CLIC4: variants seen among roughly 807,000 people sequenced by gnomAD.
CLIC4 encodes chloride intracellular channel protein 4.
In CLIC4, 13 loss-of-function variants were observed where a neutral mutation model predicts 24.6. The ratio of observed to expected loss-of-function variants is 0.53; its 90% CI spans 0.34 to 0.84. The LOEUF (loss-of-function observed/expected upper bound fraction) is 0.84. Among genes scored for constraint, CLIC4 ranks in the 40% least tolerant of loss-of-function variants. The pLI, the probability that CLIC4 is intolerant of heterozygous loss-of-function variation, is 0.01. For synonymous variants in CLIC4, 104 were observed against 111.3 expected (o/e 0.93, Z 0.41); for missense variants, 227 against 301.7 (o/e 0.75, Z 1.83).
At chr1:24,777,191 A>G (rs1016206359) in intron 1 of CLIC4, among the ~76,000 whole-genome samples, 4 of 152,198 alleles carry the variant, frequency 2.6e-5, no homozygotes, top group African/African-American at 4.8e-5. Flanking sequence ...TTAATTTTCT[A>G]TTGTAATTTG....
intron 2 of CLIC4, among the ~76,000 whole-genome samples, chr1:24,803,926 A>G (rs1433083995): frequency 6.6e-6 from 1 of 152,196 alleles, no homozygotes; most frequent in African/African-American, 2.4e-5. Context: ...CACTTTTGTA[A>G]TAGTTTAAAA....
chr1:24,798,408 G>C (rs969151246), intron 2 of CLIC4, among the ~76,000 whole-genome samples: 4 of 152,162 alleles, frequency 2.6e-5, no homozygotes, highest in Non-Finnish European at 4.4e-5. Context: ...CCCGGTGTCT[G>C]TTCTTGCTAA....
intron 4 of CLIC4, among the ~76,000 whole-genome samples, chr1:24,835,133 C>T (rs1557816113): frequency 6.6e-6 from 1 of 152,148 alleles, no homozygotes; most frequent in Non-Finnish European, 1.5e-5. Flanking sequence ...TATGTTTCAT[C>T]TAAGAAATAA....
intron 2 of CLIC4, among the ~76,000 whole-genome samples, chr1:24,799,584 G>GT (rs1285855502): frequency 6.7e-6 from 1 of 149,310 alleles, no homozygotes; most frequent in Admixed American, 6.6e-5. Flanking sequence ...CAGCCGCCCC[G>GT]TCGGGGAGGG....
chr1:24,810,674 G>A (rs1639603750), intron 2 of CLIC4, among the ~76,000 whole-genome samples: 1 of 151,986 alleles, frequency 6.6e-6, no homozygotes, highest in African/African-American at 2.4e-5. Context: ...TTGGGAGGCT[G>A]AGGTAGGAGA....
chr1:24,766,099 C>T (rs980745224), intron 1 of CLIC4, among the ~76,000 whole-genome samples: 6 of 151,884 alleles, frequency 4.0e-5, no homozygotes, highest in African/African-American at 1.5e-4. Flanking sequence ...CTCCACCTCC[C>T]GAGTTCCAGC....
intron 2 of CLIC4, among the ~76,000 whole-genome samples, chr1:24,811,055 G>C (rs540040234): frequency 6.7e-5 from 10 of 148,594 alleles, no homozygotes; most frequent in Admixed American, 4.8e-4. Context: ...CTTCAGCCTG[G>C]GCGACAGAGT....
At chr1:24,752,229 T>C (rs1638785055) in intron 1 of CLIC4, among the ~76,000 whole-genome samples, 1 of 152,176 alleles carries the variant, frequency 6.6e-6, no homozygotes, top group East Asian at 1.9e-4. Context: ...ATATGGTTAC[T>C]GAGGGGATTA....
At chr1:24,763,564 T>G (rs1222857102) in intron 1 of CLIC4, among the ~76,000 whole-genome samples, 1 of 150,208 alleles carries the variant, frequency 6.7e-6, no homozygotes, top group Admixed American at 6.6e-5. Flanking sequence ...AGAATTAAGT[T>G]CAAATCTATA....
At chr1:24,825,209 T>C (rs1422364308) in intron 3 of CLIC4, among the ~76,000 whole-genome samples, 3 of 152,212 alleles carry the variant, frequency 2.0e-5, no homozygotes, top group Admixed American at 1.3e-4. Flanking sequence ...TAGGTACAGC[T>C]AAATAGTGGT....
At chr1:24,840,238 A>G (rs1639928581) in intron 5 of CLIC4, among the ~76,000 whole-genome samples, 197 bp downstream of exon 5, 1 of 152,230 alleles carries the variant, frequency 6.6e-6, no homozygotes, top group Non-Finnish European at 1.5e-5. Context: ...TATAAGAAAG[A>G]TGAATATTTT....
intron 4 of CLIC4, among the ~76,000 whole-genome samples, chr1:24,828,261 G>A (rs1230715024): frequency 1.3e-5 from 2 of 152,034 alleles, no homozygotes; most frequent in African/African-American, 4.8e-5. Flanking sequence ...TTTCTACAGT[G>A]AAGGGAAAAA....
At chr1:24,814,039 ATTGT>A in intron 2 of CLIC4, 51 bp from the exon 3 acceptor site, 1 of 1,607,810 alleles carries the variant, frequency 6.2e-7, no homozygotes, top group Admixed American at 1.7e-5. Flanking sequence ...TTAAAGTATT[ATTGT>A]TGTTTAAGAG....
At chr1:24,819,603 A>T (rs897080434) in intron 3 of CLIC4, among the ~76,000 whole-genome samples, 1 of 151,552 alleles carries the variant, frequency 6.6e-6, no homozygotes, top group Non-Finnish European at 1.5e-5. Context: ...ATGCCCAGCT[A>T]ATTTTTTCTG....
At chr1:24,799,687 C>T (rs1378441584) in intron 2 of CLIC4, among the ~76,000 whole-genome samples, 5 of 126,178 alleles carry the variant, frequency 4.0e-5, no homozygotes, top group Admixed American at 7.5e-5. Flanking sequence ...CCGCCCCGTC[C>T]GGGAGGGAGG....
chr1:24,795,135 G>A (rs1639383375), intron 1 of CLIC4, among the ~76,000 whole-genome samples: 1 of 152,040 alleles, frequency 6.6e-6, no homozygotes, highest in Admixed American at 6.6e-5. Context: ...CCTGTGACAT[G>A]AGTTTACCTG....
Position 24,836,792 on chromosome 1 carries a change from C to T in CLIC4, c.416-3068C>T, listed in dbSNP as rs144306856. 2.4e-3 allele frequency among the ~76,000 whole-genome samples: 371 copies of T among 152,244 alleles called. 2 individuals are homozygous for T. Among genetic ancestry groups the T allele is most frequent in the African/African-American group, 8.5e-3 (352 of 41,538 alleles). On this transcript the variant is annotated intron_variant, in intron 4 of 5. Coordinates refer to ENST00000374379, the MANE Select transcript of CLIC4 (RefSeq NM_013943.3). ...GTTCGAGGTTGCAGTGAGCCGAGAT[C>T]GTGCCATTGCACCCCAGCCTGGGTG... is the stretch of plus-strand genomic sequence containing the variant.
At chr1:24,745,937 C>T (rs1471261965) in intron 1 of CLIC4, among the ~76,000 whole-genome samples, 2 of 150,484 alleles carry the variant, frequency 1.3e-5, no homozygotes, top group African/African-American at 4.9e-5. Flanking sequence ...CTTGCCTGCC[C>T]CGGGGCCCCA....
At chr1:24,771,686 C>T (rs987671581) in intron 1 of CLIC4, among the ~76,000 whole-genome samples, 1 of 151,918 alleles carries the variant, frequency 6.6e-6, no homozygotes, top group African/African-American at 2.4e-5. Flanking sequence ...TCTATATTAC[C>T]TCATAGTAAA....
Sources: allele counts gnomAD v4.1 joint callset (sites outside exome capture counted in the v4.1 genomes callset), GRCh38; gene constraint gnomAD v4.1.1; transcripts MANE v1.5; gene names NCBI Gene and HGNC (gene_info 2026-07-23, HGNC 2026-07-21).